Variants in GRM7 observed in about 807,000 individuals in gnomAD.
GRM7 encodes metabotropic glutamate receptor 7.
GRM7 carries 35 observed loss-of-function variants against 84.5 expected under a neutral mutation model. The observed-to-expected ratio is 0.41, with a 90% CI of 0.32 to 0.55. The LOEUF is 0.55. GRM7 is among the 20% of genes least tolerant of loss of function. GRM7 has a pLI of 0.19. For missense variants in GRM7, 1,003 were observed against 1,194.6 expected (o/e 0.84, Z 2.36); for synonymous variants, 487 against 455.1 (o/e 1.07, Z -0.89).
chr3:6,874,757 T>C (rs551885975), intron 1 of GRM7, among the ~76,000 whole-genome samples: 2 of 152,342 alleles, frequency 1.3e-5, no homozygotes, highest in East Asian at 1.9e-4. Context: ...TTGATTTCCA[T>C]ATCTTTCTAT....
At chr3:7,317,437 T>A (rs968532232) in intron 4 of GRM7, among the ~76,000 whole-genome samples, 9 of 152,152 alleles carry the variant, frequency 5.9e-5, no homozygotes, top group Admixed American at 4.6e-4. Context: ...TATGAGGTCA[T>A]GTTGAGACAT....
At chr3:6,957,304 C>T (rs976904411) in intron 1 of GRM7, among the ~76,000 whole-genome samples, 2 of 152,180 alleles carry the variant, frequency 1.3e-5, no homozygotes, top group Non-Finnish European at 2.9e-5. Flanking sequence ...AGGTGTCTCA[C>T]TTGTCAGCTT....
intron 7 of GRM7, among the ~76,000 whole-genome samples, chr3:7,520,824 G>T (rs1304688501): frequency 1.3e-5 from 2 of 152,186 alleles, no homozygotes; most frequent in African/African-American, 2.4e-5. Context: ...CATCAGAAAT[G>T]CTTCTGTCAG....
intron 1 of GRM7, among the ~76,000 whole-genome samples, chr3:6,985,184 A>G (rs1694363872): frequency 1.3e-5 from 2 of 152,204 alleles, no homozygotes; most frequent in African/African-American, 4.8e-5. Flanking sequence ...AGAATGGGGT[A>G]TCCATCCCTC....
At chr3:7,638,489 T>TA (rs1310219369) in intron 8 of GRM7, among the ~76,000 whole-genome samples, 1 of 152,180 alleles carries the variant, frequency 6.6e-6, no homozygotes, top group African/African-American at 2.4e-5. Flanking sequence ...GGATGCCCAC[T>TA]AAGGTCTCCA....
intron 3 of GRM7, among the ~76,000 whole-genome samples, chr3:7,304,134 C>T (rs1360675260): frequency 6.6e-6 from 1 of 151,952 alleles, no homozygotes; most frequent in East Asian, 1.9e-4. Context: ...AGTTGCAGAA[C>T]TCTTAACTTA....
At chr3:7,014,498 C>T (rs879311193) in intron 1 of GRM7, among the ~76,000 whole-genome samples, 4 of 151,980 alleles carry the variant, frequency 2.6e-5, no homozygotes, top group African/African-American at 4.8e-5. Context: ...TGCACCACCA[C>T]GCCCAGCTAA....
intron 9 of GRM7, among the ~76,000 whole-genome samples, chr3:7,711,753 C>T (rs1007891694): frequency 4.6e-5 from 7 of 152,124 alleles, no homozygotes; most frequent in Non-Finnish European, 7.4e-5. Flanking sequence ...GCACCATTGG[C>T]GCCTTTCAAA....
chr3:7,442,491 T>C (rs567852852), intron 5 of GRM7, among the ~76,000 whole-genome samples: 15 of 111,234 alleles, frequency 1.3e-4, no homozygotes, highest in African/African-American at 4.9e-4. Context: ...CTTGCGATTA[T>C]GACTTTTGTA....
rs552505577 is a variant in GRM7, at chr3:7,730,075, A to G, written c.2699-10282A>G. 1.3e-4 allele frequency among the ~76,000 whole-genome samples: 19 copies of G among 148,650 alleles called. No homozygotes were observed. The East Asian group carries it at 3.7e-3, about 29-fold the overall frequency. On this transcript the variant is annotated intron_variant, in intron 9 of 9. Transcript: ENST00000357716. ...TTTTTAGTAGAGACAGGGTTTCACC[A>G]TGTTGGACAGGCTGGTTTCGATCTG...
chr3:7,101,703 G>T (rs892912010), intron 1 of GRM7, among the ~76,000 whole-genome samples: 1 of 149,388 alleles, frequency 6.7e-6, no homozygotes, highest in African/African-American at 2.4e-5. Flanking sequence ...TGACTAAATT[G>T]TTTTCATAGT....
chr3:6,927,393 A>C (rs1697334606), intron 1 of GRM7, among the ~76,000 whole-genome samples: 1 of 151,842 alleles, frequency 6.6e-6, no homozygotes, highest in Non-Finnish European at 1.5e-5. Flanking sequence ...ATGCCACTGC[A>C]CTCCAGCCTG....
intron 2 of GRM7, among the ~76,000 whole-genome samples, chr3:7,257,650 C>G (rs1426308374): frequency 1.3e-5 from 2 of 152,126 alleles, no homozygotes; most frequent in East Asian, 3.9e-4. Context: ...CTAGCGGTAG[C>G]AAGTAAATTT....
intron 5 of GRM7, among the ~76,000 whole-genome samples, chr3:7,449,144 C>T (rs548901475): frequency 4.6e-5 from 7 of 152,038 alleles, no homozygotes; most frequent in African/African-American, 7.2e-5. Context: ...AGTTGGAAAA[C>T]AGTAAAACAG....
At chr3:6,927,656 T>C (rs1697361874) in intron 1 of GRM7, among the ~76,000 whole-genome samples, 1 of 152,206 alleles carries the variant, frequency 6.6e-6, no homozygotes, top group African/African-American at 2.4e-5. Flanking sequence ...TTTATGTTCA[T>C]ATGCATATGT....
chr3:7,668,473 C>T (rs1328828661), intron 8 of GRM7, among the ~76,000 whole-genome samples: 1 of 152,210 alleles, frequency 6.6e-6, no homozygotes, highest in Non-Finnish European at 1.5e-5. Context: ...CTCTCTCTCT[C>T]TTTTACGCAC....
In GRM7 at chr3:7,608,947, T is replaced by C. The variant is rs572740293; in HGVS notation, c.2451+29590T>C. Among the ~76,000 whole-genome samples, 8 of 152,286 alleles carry C rather than the reference T, an allele frequency of 5.3e-5. No individual in the cohort carries two copies. In the East Asian group the frequency reaches 1.4e-3, roughly 26 times the overall value. On this transcript the variant is annotated intron_variant, in intron 8 of 9. Transcript: ENST00000357716. Reference sequence around the variant, plus strand: ...TTTCTGCACGTGGCTAGCCAGTTATTCCAGCACCATTTATTAAATAGGAAG... The same window carrying C: ...TTTCTGCACGTGGCTAGCCAGTTATCCCAGCACCATTTATTAAATAGGAAG...
chr3:7,711,540 G>C (rs529781199), intron 9 of GRM7, among the ~76,000 whole-genome samples: 2 of 152,168 alleles, frequency 1.3e-5, no homozygotes, highest in African/African-American at 2.4e-5. Context: ...GAAGCCATTG[G>C]AGTCTCGTAA....
At chr3:7,285,849 C>A (rs948318982) in intron 2 of GRM7, among the ~76,000 whole-genome samples, 1 of 152,064 alleles carries the variant, frequency 6.6e-6, no homozygotes, top group Admixed American at 6.6e-5. Context: ...TCTAATTTAT[C>A]TCTTAATTTC....
Sources: allele counts gnomAD v4.1 joint callset (sites outside exome capture counted in the v4.1 genomes callset), GRCh38; gene constraint gnomAD v4.1.1; transcripts MANE v1.5; gene names NCBI Gene and HGNC (gene_info 2026-07-23, HGNC 2026-07-21).